Variants in GNL3L observed in about 807,000 individuals in gnomAD.
The protein encoded by GNL3L is G protein nucleolar 3 like.
In GNL3L, 4 loss-of-function variants were observed where a neutral mutation model predicts 42.9. The observed-to-expected ratio is 0.09, with a 90% CI of 0.05 to 0.21. The LOEUF is 0.21. Among genes scored for constraint, GNL3L ranks in the 10% least tolerant of loss-of-function variants. GNL3L has a pLI of 1.00. For synonymous variants in GNL3L, 159 were observed against 176.3 expected (o/e 0.90, Z 0.78); for missense variants, 412 against 481.7 (o/e 0.86, Z 1.36).
intron 16 of GNL3L, among the ~76,000 whole-genome samples, chrX:54,611,768 G>A (rs1926163626): frequency 9.0e-6 from 1 of 111,358 alleles, no homozygotes; most frequent in African/African-American, 3.3e-5. Flanking sequence ...TTATTCCACT[G>A]TGTGTGGTCT....
chrX:54,539,747 A>G (rs890608199), intron 3 of GNL3L, among the ~76,000 whole-genome samples: 2 of 111,317 alleles, frequency 1.8e-5, no homozygotes, highest in African/African-American at 6.5e-5. Context: ...TGGTCTGAGG[A>G]CCACTCTTTT....
chrX:54,607,560 T>C (rs923433730), intron 16 of GNL3L, among the ~76,000 whole-genome samples: 2 of 110,706 alleles, frequency 1.8e-5, no homozygotes, highest in Non-Finnish European at 3.8e-5. Flanking sequence ...CTCCAGATGG[T>C]AGGTGCATGT....
At chrX:54,555,659 T>TTTTTC (rs1361960133) in intron 14 of GNL3L, among the ~76,000 whole-genome samples, 5 of 94,205 alleles carry the variant, frequency 5.3e-5, no homozygotes, top group African/African-American at 2.0e-4. Context: ...TTTTTTTTTT[T>TTTTTC]TTGTAGAGAT....
At chrX:54,535,848 C>T (rs1459136190) in intron 2 of GNL3L, among the ~76,000 whole-genome samples, 2 of 111,409 alleles carry the variant, frequency 1.8e-5, no homozygotes, top group African/African-American at 3.3e-5. Flanking sequence ...CCACAACCTC[C>T]GCCTCCTGGG....
chrX:54,636,914 A>C, the GNL3L span, among the ~76,000 whole-genome samples: 29 of 111,839 alleles, frequency 2.6e-4, no homozygotes, highest in Non-Finnish European at 4.5e-4. Flanking sequence ...TGCTCAGTCA[A>C]ATGGTAGCTC....
At chrX:54,598,134 C>T (rs5915142) in intron 16 of GNL3L, among the ~76,000 whole-genome samples, 9,517 of 110,903 alleles carry the variant, frequency 0.086, 864 homozygotes, top group African/African-American at 0.27. Context: ...CTTGCTCCAC[C>T]CCCTTACTAT....
At chrX:54,572,854 T>C (rs1328691310) in intron 16 of GNL3L, among the ~76,000 whole-genome samples, 1 of 101,811 alleles carries the variant, frequency 9.8e-6, no homozygotes, top group Non-Finnish European at 2.1e-5. Flanking sequence ...GAGACGCTCC[T>C]CACCTCCCAG....
Position 54,543,221 on chromosome X carries a change from T to C in GNL3L, c.405T>C (p.Ser135=). The change falls in exon 7 of 16, where the codon TCT becomes TCC. Residue 135 remains serine, a synonymous_variant. Transcript: ENST00000360845. ...YKEFRKVVEY[S]DVILEVLDAR... ...CTGCCCTGCAGGTGGTGGAATACTC[T>C]GATGTGATTCTGGAAGTCCTGGATG... 8.3e-7 allele frequency: 1 copy of C among 1,210,584 alleles called. No homozygotes were observed. The highest frequency in any genetic ancestry group is 1.1e-6 in the Non-Finnish European group (1 of 894,613).
chrX:54,538,855 A>C (rs1924525032), intron 2 of GNL3L, among the ~76,000 whole-genome samples, 185 bp from the exon 3 acceptor site: 2 of 111,808 alleles, frequency 1.8e-5, no homozygotes, highest in African/African-American at 6.5e-5. Context: ...TGCAAATATT[A>C]TATCCAGTAC....
At chrX:54,567,772 A>C (rs1925478250), downstream of GNL3L, among the ~76,000 whole-genome samples, 1 of 110,507 alleles carries the variant, frequency 9.0e-6, no homozygotes, top group African/African-American at 3.3e-5. Context: ...TACTAGTATG[A>C]GGTGCTAAGG....
intron 3 of GNL3L, 50 bp downstream of exon 3, chrX:54,539,151 C>T (rs770979811): frequency 3.0e-6 from 2 of 664,794 alleles, no homozygotes; most frequent in Non-Finnish European, 4.6e-6. Context: ...GTTGCTTGTC[C>T]TGGGAGAGGC....
chrX:54,614,572 C>T (rs370266743), intron 16 of GNL3L, among the ~76,000 whole-genome samples: 298 of 111,340 alleles, frequency 2.7e-3, no homozygotes, highest in Non-Finnish European at 4.8e-3. Context: ...TGTGAGGGGA[C>T]GCAGCCAGCT....
chrX:54,595,846 G>A (rs1435335823), intron 16 of GNL3L, among the ~76,000 whole-genome samples: 1 of 112,041 alleles, frequency 8.9e-6, no homozygotes, highest in Non-Finnish European at 1.9e-5. Flanking sequence ...ATGCCACTTG[G>A]ATTTTTCAAC....
the GNL3L span, among the ~76,000 whole-genome samples, chrX:54,630,702 CTTTCTT>C: frequency 0.034 from 473 of 14,005 alleles, 1 homozygote; most frequent in Middle Eastern, 0.074. Flanking sequence ...TCCTTCCTTT[CTTTCTT>C]TTTCTTTCTT....
chrX:54,611,162 A>G (rs1262535617), intron 16 of GNL3L, among the ~76,000 whole-genome samples: 1 of 110,787 alleles, frequency 9.0e-6, no homozygotes, highest in Non-Finnish European at 1.9e-5. Context: ...CCCTTGAATG[A>G]TCTTTTGTAT....
chrX:54,618,721 A>G (rs1926251595), intron 16 of GNL3L, among the ~76,000 whole-genome samples: 1 of 110,590 alleles, frequency 9.0e-6, no homozygotes, highest in Non-Finnish European at 1.9e-5. Context: ...ATAGTGAGAC[A>G]CCATCTCTGC....
rs775844221 is a variant in GNL3L at position 54,551,809 on chromosome X, TCTCTC to T, written c.1039-20_1039-16del. ...GGGCCCTTCATTCCTCCTCATGACT[TCTCTC>T]CTTCCTCCCTTCACCAGATTTCCAA... On this transcript the variant is annotated intron_variant, in intron 11 of 15. Transcript: ENST00000360845. The T allele has an allele frequency of 3.9e-4, 474 of 1,209,850 alleles. 2 individuals carry two copies. The South Asian group carries it at 7.8e-3, about 20-fold the overall frequency.
At chrX:54,639,329 T>C in the GNL3L span, among the ~76,000 whole-genome samples, 1 of 112,001 alleles carries the variant, frequency 8.9e-6, no homozygotes, top group Admixed American at 9.4e-5. Flanking sequence ...CTAAGCCTGC[T>C]GAAATAACCC....
intron 2 of GNL3L, among the ~76,000 whole-genome samples, chrX:54,533,175 C>T (rs73212528): frequency 0.011 from 1,236 of 110,000 alleles, 7 homozygotes; most frequent in Non-Finnish European, 0.018. Flanking sequence ...TGCCTGTAAC[C>T]CCGACATGTC....
Sources: gnomAD v4.1 joint callset for allele counts (sites outside exome capture counted in the v4.1 genomes callset) on GRCh38, gnomAD v4.1.1 for gene constraint, MANE v1.5 for transcripts, NCBI Gene and HGNC (gene_info 2026-07-23, HGNC 2026-07-21) for gene names.